Variants in KPNB1 observed in about 807,000 individuals in gnomAD.
The protein encoded by KPNB1 is importin subunit beta-1.
KPNB1 carries 7 observed loss-of-function variants against 113.0 expected under a neutral mutation model. That is an observed-to-expected ratio of 0.06 (90% confidence interval 0.04 to 0.12). The LOEUF is 0.12. KPNB1 is among the 10% of genes least tolerant of loss of function. The probability of loss-of-function intolerance (pLI) is 1.00; values close to 1 mark genes in which losing one functional copy is unlikely to be tolerated. For synonymous variants in KPNB1, 363 were observed against 378.6 expected (o/e 0.96, Z 0.48); for missense variants, 400 against 1,054.8 (o/e 0.38, Z 8.60).
At chr17:47,664,326 AT>A in intron 8 of KPNB1, 57 bp downstream of exon 8, 1 of 1,105,152 alleles carries the variant, frequency 9.0e-7, no homozygotes, top group Non-Finnish European at 1.4e-6. Context: ...TCATTTGTGG[AT>A]GATGTTCCCC....
chr17:47,651,567 A>G (rs1329965331), intron 2 of KPNB1, among the ~76,000 whole-genome samples: 1 of 152,114 alleles, frequency 6.6e-6, no homozygotes, highest in Non-Finnish European at 1.5e-5. Flanking sequence ...AGATTTTTCC[A>G]CTAGTATAGG....
chr17:47,669,804 C>T lies in KPNB1; in HGVS notation c.1351C>T (p.Pro451Ser), dbSNP rs2030395516. ...TGCCATCAATGATGTCTACTTGGCT[C>T]CCCTGCTACAGTGTCTGATTGAGGG... ...EAAINDVYLA[P>S]LLQCLIEGLS... Residue 451 changes from proline (P) to serine (S), a missense_variant, in exon 11 of 22, where the codon CCC becomes TCC. This residue lies in a region of KPNB1 where 285 missense variants were observed against 627.0 expected (regional missense o/e 0.45). Coordinates refer to ENST00000290158, the MANE Select transcript of KPNB1 (RefSeq NM_002265.6). The T allele has an allele frequency of 3.1e-6, 5 of 1,614,094 alleles. No individual in the cohort carries two copies. Among genetic ancestry groups the T allele is most frequent in the East Asian group, 2.2e-5 (1 of 44,878 alleles).
Position 47,651,791 on chromosome 17 carries a change from C to T in KPNB1, c.100-903C>T, listed in dbSNP as rs532046023. On this transcript the variant is annotated intron_variant, in intron 2 of 21. Coordinates refer to ENST00000290158, the MANE Select transcript of KPNB1 (RefSeq NM_002265.6). Reference sequence around the variant, plus strand: ...TCCTGCTAACTTTGCTGTTTGGGCACGGTTTTTGGTGGAGAGGTGTGTGTG... The same window carrying T: ...TCCTGCTAACTTTGCTGTTTGGGCATGGTTTTTGGTGGAGAGGTGTGTGTG... 3.9e-5 allele frequency among the ~76,000 whole-genome samples: 6 copies of T among 152,186 alleles called. No individual in the cohort carries two copies. In the East Asian group the frequency reaches 1.2e-3, roughly 29 times the overall value.
chr17:47,679,983 C>A, intron 19 of KPNB1, 37 bp from the exon 20 acceptor site: 1 of 1,412,328 alleles, frequency 7.1e-7, no homozygotes, highest in Non-Finnish European at 1.0e-6. Flanking sequence ...AGGCATGAGC[C>A]ACCGCACCCG....
In KPNB1 at chr17:47,652,739, A is replaced by G; in HGVS notation, c.145A>G (p.Asn49Asp). The G allele has an allele frequency of 6.2e-7, 1 of 1,612,696 alleles. No homozygotes were observed. Among genetic ancestry groups the G allele is most frequent in the Non-Finnish European group, 8.5e-7 (1 of 1,179,596 alleles). Residue 49 changes from asparagine to aspartate, a missense_variant, in exon 3 of 22, where the codon AAC (asparagine) becomes GAC (aspartate). Asn to Asp is a conservative substitution (Grantham distance 23). This residue lies in a region of KPNB1 where 285 missense variants were observed against 627.0 expected (regional missense o/e 0.45). Coordinates refer to ENST00000290158, the MANE Select transcript of KPNB1 (RefSeq NM_002265.6). ...ELSRVLANPG[N>D]SQVARVAAGL... is the part of the protein sequence containing the mutation. ...GTCCAGAGTGCTGGCAAATCCAGGA[A>G]ACAGTCAGGTTGCCAGAGTTGCAGC...
intron 21 of KPNB1, among the ~76,000 whole-genome samples, chr17:47,680,926 T>G (rs2030751694): frequency 6.6e-6 from 1 of 152,242 alleles, no homozygotes; most frequent in Non-Finnish European, 1.5e-5. Flanking sequence ...AATAAAATCA[T>G]CAGTAATGCC....
rs2030420903 is a variant in KPNB1, at chr17:47,670,751, A to T, written c.1466A>T (p.Asp489Val). ...EAAYEAADVA[D>V]DQEEPATYCL... Reference sequence around the variant, plus strand: ...GCTTATGAAGCTGCAGACGTTGCTGATGATCAGGAAGAACCAGCTACTTAC... The same window carrying T: ...GCTTATGAAGCTGCAGACGTTGCTGTTGATCAGGAAGAACCAGCTACTTAC... Residue 489 changes from aspartate (D) to valine (V), a missense_variant, in exon 12 of 22, where the codon GAT becomes GTT. Around this residue, in one of 2 missense-constraint regions of KPNB1, gnomAD observed 285 missense variants for 627.0 expected, o/e 0.45. Coordinates refer to ENST00000290158, the MANE Select transcript of KPNB1 (RefSeq NM_002265.6). 2 of 1,613,482 alleles carry T rather than the reference A, an allele frequency of 1.2e-6. No homozygotes were observed. Among genetic ancestry groups the T allele is most frequent in the Non-Finnish European group, 1.7e-6 (2 of 1,179,428 alleles).
intron 19 of KPNB1, 184 bp downstream of exon 19, chr17:47,678,597 C>T (rs1447968484): frequency 1.7e-5 from 10 of 575,352 alleles, no homozygotes; most frequent in Admixed American, 3.0e-5. Context: ...ACTGTTTTTG[C>T]TCTGCTTCTT....
intron 10 of KPNB1, 73 bp downstream of exon 10, chr17:47,668,483 C>A: frequency 8.6e-7 from 1 of 1,169,482 alleles, no homozygotes; most frequent in Non-Finnish European, 1.2e-6. Flanking sequence ...CTTTATTTTT[C>A]AAAACAAAAC....
chr17:47,667,115 G>A (rs1211348180), intron 9 of KPNB1, among the ~76,000 whole-genome samples: 1 of 151,630 alleles, frequency 6.6e-6, no homozygotes, highest in Non-Finnish European at 1.5e-5. Context: ...TGTGGTTTTG[G>A]TTTTTGGTTT....
intron 17 of KPNB1, 132 bp downstream of exon 17, chr17:47,677,259 A>G (rs2030640421): frequency 2.9e-6 from 2 of 682,160 alleles, no homozygotes; most frequent in Middle Eastern, 3.3e-4. Context: ...GAGGCAGGCC[A>G]GGAGTTCGAG....
chr17:47,675,382 T>TTTTTTTTTTTTTTTTTTTTTTTTTTTTTC lies in KPNB1; in HGVS notation c.1912+602_1912+603insTTTTTTTTTTTTTTTTTTTTTTTTTTCTT, dbSNP rs2030582444. Reference sequence around the variant, plus strand: ...TGTTGTTTTTTTTTTGTTTTTTTTTTTTGTTTGTTTTTTTTTTGAGACTTG... The same window carrying TTTTTTTTTTTTTTTTTTTTTTTTTTTTTC: ...TGTTGTTTTTTTTTTGTTTTTTTTTTTTTTTTTTTTTTTTTTTTTTTTTTTTTTCTTGTTTGTTTTTTTTTTGAGACTTG... On this transcript the variant is annotated intron_variant, in intron 15 of 21. Coordinates refer to ENST00000290158, the MANE Select transcript of KPNB1 (RefSeq NM_002265.6). Among the ~76,000 whole-genome samples the TTTTTTTTTTTTTTTTTTTTTTTTTTTTTC allele has an allele frequency of 2.8e-5, 3 of 106,538 alleles. 1 individual carries two copies. Among genetic ancestry groups the TTTTTTTTTTTTTTTTTTTTTTTTTTTTTC allele is most frequent in the East Asian group, 2.9e-4 (1 of 3,482 alleles). The allele number at this position is 106,538 out of a possible 152,430, so 69.9% of individuals were successfully genotyped here.
intron 7 of KPNB1, among the ~76,000 whole-genome samples, chr17:47,663,813 C>T (rs1424169436): frequency 2.6e-5 from 4 of 151,724 alleles, no homozygotes; most frequent in African/African-American, 9.7e-5. Flanking sequence ...GGTGAAACCC[C>T]GCCTCTACAA....
intron 6 of KPNB1, 88 bp from the exon 7 acceptor site, chr17:47,663,001 T>G (rs749363963): frequency 1.3e-6 from 1 of 783,810 alleles, no homozygotes; most frequent in Non-Finnish European, 2.3e-6. Context: ...CAATTAATCC[T>G]TAGGATTATT....
chr17:47,668,977 A>AG (rs1481863254), intron 10 of KPNB1, among the ~76,000 whole-genome samples: 1 of 151,106 alleles, frequency 6.6e-6, no homozygotes, highest in Non-Finnish European at 1.5e-5. Context: ...AAAAAAAAAA[A>AG]AAGAGTTTGT....
At chr17:47,653,143 CTGTT>C (rs1273630195) in intron 3 of KPNB1, among the ~76,000 whole-genome samples, 1 of 152,032 alleles carries the variant, frequency 6.6e-6, no homozygotes, top group African/African-American at 2.4e-5. Flanking sequence ...TTGGTAAAAT[CTGTT>C]TGGCAAATGG....
At chr17:47,673,832 T>TCAA in intron 14 of KPNB1, 1 of 439,548 alleles carries the variant, frequency 2.3e-6, no homozygotes, top group Non-Finnish European at 4.1e-6. Context: ...TTCTCCTAAT[T>TCAA]CAACATACAC....
Position 47,682,876 on chromosome 17 carries a change from C to A in KPNB1, c.*472C>A. 5.5e-6 allele frequency: 1 copy of A among 182,132 alleles called. No homozygotes were observed. Among genetic ancestry groups the A allele is most frequent in the Non-Finnish European group, 1.2e-5 (1 of 85,108 alleles). The allele number at this position is 182,132 out of a possible 1,614,324, so 11.3% of individuals were successfully genotyped here. On this transcript the variant is annotated 3_prime_UTR_variant, in exon 22 of 22. Transcript: ENST00000290158. The stretch of plus-strand genomic sequence containing the variant: ...GGAGCCTGGGTCTCAAGCCCACCTT[C>A]GCTGTACCTTTGCCACATGGTACTG...
chr17:47,675,385 G>GTTTTTTTTT (rs1462077639), intron 15 of KPNB1, among the ~76,000 whole-genome samples: 1 of 82,108 alleles, frequency 1.2e-5, no homozygotes, highest in Non-Finnish European at 2.3e-5. Context: ...TTTTTTTTTT[G>GTTTTTTTTT]TTTGTTTTTT....
Sources: allele counts gnomAD v4.1 joint callset (sites outside exome capture counted in the v4.1 genomes callset), GRCh38; gene constraint gnomAD v4.1.1; regional missense constraint gnomAD v4.1.1; transcripts MANE v1.5; gene names NCBI Gene and HGNC (gene_info 2026-07-23, HGNC 2026-07-21).